FCRL1: variants seen among roughly 807,000 people sequenced by gnomAD.
The protein encoded by FCRL1 is Fc receptor like 1, also known as Fc receptor-like protein 1.
A neutral mutation model predicts 49.2 loss-of-function variants in FCRL1; 34 were observed. That is an observed-to-expected ratio of 0.69 (90% CI 0.53 to 0.92). FCRL1 has a LOEUF of 0.92. Among genes scored for constraint, FCRL1 ranks in the 40% least tolerant of loss-of-function variants. FCRL1 has a pLI of 0.00. For synonymous variants in FCRL1, 218 were observed against 201.6 expected, an observed-to-expected ratio of 1.08 and a Z score of -0.69; for missense variants, 524 against 524.1, an observed-to-expected ratio of 1.00 and a Z score of 0.00.
At chr1:157,806,230 A>G (rs892421005) in intron 2 of FCRL1, among the ~76,000 whole-genome samples, 1 of 152,226 alleles carries the variant, frequency 6.6e-6, no homozygotes, top group African/African-American at 2.4e-5. Flanking sequence ...ACATTAGATA[A>G]GGAACCTAGA....
At position 157,803,961 on chromosome 1, in the gene FCRL1, G is replaced by C; in HGVS notation, c.203C>G (p.Ser68Cys). The change falls in exon 3 of 11, where the codon TCC becomes TGC. Residue 68 changes from serine to cysteine, a missense_variant. By Grantham distance (112) the Ser-to-Cys change is moderately radical. Transcript: ENST00000368176. ...TRALGPGWSS[S>C]PKLQIAAMWK... Reference sequence around the variant, plus strand: ...CATGGCAGCGATCTGGAGCTTGGGGGAGCTGCTCCAGCCTGGGCCCAAGGC... The same window carrying C: ...CATGGCAGCGATCTGGAGCTTGGGGCAGCTGCTCCAGCCTGGGCCCAAGGC... The C allele has an allele frequency of 6.2e-7, 1 of 1,614,196 alleles. No individual in the cohort carries two copies. Among genetic ancestry groups the C allele is most frequent in the Non-Finnish European group, 8.5e-7 (1 of 1,180,048 alleles).
intron 10 of FCRL1, 29 bp downstream of exon 10, chr1:157,797,072 A>G (rs1460243589): frequency 6.2e-7 from 1 of 1,611,294 alleles, no homozygotes. Context: ...AAGAAAGAAC[A>G]TGGAAGAAAG....
At position 157,802,608 on chromosome 1, in the gene FCRL1, C is replaced by A. The variant is rs1652722422; in HGVS notation, c.376G>T (p.Glu126Ter). The part of the protein sequence containing the change: ...ETQPPGGQVM[E>*]GDRLVLICSV... ...CAGATGAGGACCAGCCTGTCTCCCTCCATCACCTGTCCTCCTGGGGGCTGA... is the reference window on the plus strand; with the variant it reads ...CAGATGAGGACCAGCCTGTCTCCCTACATCACCTGTCCTCCTGGGGGCTGA... The change falls in exon 4 of 11, where the codon GAG becomes TAG. Residue 126 changes from glutamate (E) to a stop codon, truncating the protein, a stop_gained. Coordinates refer to ENST00000368176, the MANE Select transcript of FCRL1 (RefSeq NM_052938.5). LOFTEE classifies it high-confidence loss of function. 7.4e-6 allele frequency: 12 copies of A among 1,614,178 alleles called. No individual in the cohort carries two copies. The highest frequency in any genetic ancestry group is 1.0e-5 in the Non-Finnish European group (12 of 1,180,024).
chr1:157,800,347 T>G (rs1008559087), intron 6 of FCRL1, among the ~76,000 whole-genome samples: 2 of 152,228 alleles, frequency 1.3e-5, no homozygotes, highest in Non-Finnish European at 2.9e-5. Flanking sequence ...GTCTCTAAAC[T>G]TGCACATTTA....
At chr1:157,811,226 A>T (rs1654277061) in intron 1 of FCRL1, among the ~76,000 whole-genome samples, 1 of 152,226 alleles carries the variant, frequency 6.6e-6, no homozygotes, top group Admixed American at 6.5e-5. Context: ...CCCCGCCTAA[A>T]AAAAGACTGA....
chr1:157,799,746 C>G (rs1023471124), intron 7 of FCRL1, among the ~76,000 whole-genome samples: 4 of 151,758 alleles, frequency 2.6e-5, no homozygotes, highest in African/African-American at 9.7e-5. Flanking sequence ...ACATATGTAA[C>G]AAACCTGCAC....
Position 157,795,911 on chromosome 1 carries a change from G to A in FCRL1, c.*188C>T. 1 of 543,458 alleles carries A rather than the reference G, an allele frequency of 1.8e-6. No individual in the cohort carries two copies. Among genetic ancestry groups the A allele is most frequent in the Non-Finnish European group, 3.3e-6 (1 of 303,350 alleles). The allele number at this position is 543,458 out of a possible 1,614,324, so 33.7% of individuals were successfully genotyped here. ...GTCCCTGTCACTCCTGTGTCTATTA[G>A]TTCTCCTAGGTAGTTTCTTCAGGGC... On this transcript the variant is annotated 3_prime_UTR_variant, in exon 11 of 11. Transcript: ENST00000368176.
rs565364747 is a variant in FCRL1 at position 157,807,569 on chromosome 1, C to T, written c.32-447G>A. On this transcript the variant is annotated intron_variant, in intron 1 of 10. Coordinates refer to ENST00000368176, the MANE Select transcript of FCRL1 (RefSeq NM_052938.5). The stretch of plus-strand genomic sequence containing the variant: ...GAGGATCCAGCTTTGGATTGACTCT[C>T]TCAAGGGAACAACAGAGTCAGGCAA... Among the ~76,000 whole-genome samples the T allele has an allele frequency of 5.3e-5, 8 of 152,324 alleles. No homozygotes were observed. The South Asian group carries it at 1.4e-3, about 28-fold the overall frequency.
At chr1:157,800,965 C>T (rs920006240) in intron 6 of FCRL1, among the ~76,000 whole-genome samples, 4 of 152,108 alleles carry the variant, frequency 2.6e-5, no homozygotes, top group Non-Finnish European at 5.9e-5. Flanking sequence ...GATCTCAGCT[C>T]ACTGCAACCT....
chr1:157,799,535 CTGTT>C (rs1438170194), intron 7 of FCRL1, among the ~76,000 whole-genome samples: 1 of 151,824 alleles, frequency 6.6e-6, no homozygotes, highest in Non-Finnish European at 1.5e-5. Flanking sequence ...ATTTGTCTCT[CTGTT>C]TGTCTGTTAT....
intron 10 of FCRL1, among the ~76,000 whole-genome samples, chr1:157,796,699 CA>C (rs1158696326): frequency 6.6e-6 from 1 of 152,180 alleles, no homozygotes; most frequent in Non-Finnish European, 1.5e-5. Flanking sequence ...TTTAGTGACA[CA>C]AATTACTATT....
At chr1:157,797,748 G>C (rs1651753727) in intron 9 of FCRL1, 120 bp downstream of exon 9, 1 of 1,580,908 alleles carries the variant, frequency 6.3e-7, no homozygotes, top group African/African-American at 1.3e-5. Flanking sequence ...AGTACACACA[G>C]TGATGCTCAC....
At chr1:157,818,983 A>G (rs1345516710) in intron 1 of FCRL1, among the ~76,000 whole-genome samples, 2 of 152,194 alleles carry the variant, frequency 1.3e-5, no homozygotes, top group African/African-American at 2.4e-5. Flanking sequence ...GTCATCAACA[A>G]GATGAGGGGC....
intron 10 of FCRL1, 112 bp downstream of exon 10, chr1:157,796,989 A>T (rs1651593598): frequency 2.1e-6 from 2 of 956,366 alleles, no homozygotes; most frequent in Non-Finnish European, 3.4e-6. Flanking sequence ...TGTAGGGAAG[A>T]GGTAGACCAT....
chr1:157,797,201 G>T, intron 9 of FCRL1, 69 bp from the exon 10 acceptor site: 1 of 1,425,836 alleles, frequency 7.0e-7, no homozygotes, highest in Non-Finnish European at 9.9e-7. Context: ...CTTGTGTTAA[G>T]AAAAGCTTCT....
In FCRL1 at chr1:157,802,622, C is replaced by T. The variant is rs1214381684; in HGVS notation, c.362G>A (p.Gly121Glu). ...ADVSLETQPPGGQVMEGDRLV... is the reference protein window; with the variant it reads ...ADVSLETQPPEGQVMEGDRLV... ...CCTGTCTCCCTCCATCACCTGTCCT[C>T]CTGGGGGCTGAGTCTCCAAGCTCAC... The change falls in exon 4 of 11, where the codon GGA (glycine) becomes GAA (glutamate). Residue 121 changes from glycine to glutamate, a missense_variant. By Grantham distance (98) the Gly-to-Glu change is moderately conservative. Coordinates refer to ENST00000368176, the MANE Select transcript of FCRL1 (RefSeq NM_052938.5). The T allele has an allele frequency of 1.9e-6, 3 of 1,613,950 alleles. No individual in the cohort carries two copies. Among genetic ancestry groups the T allele is most frequent in the Non-Finnish European group, 2.5e-6 (3 of 1,179,990 alleles).
chr1:157,800,127 C>T (rs199673318), intron 6 of FCRL1, 42 bp from the exon 7 acceptor site: 4 of 1,604,670 alleles, frequency 2.5e-6, no homozygotes, highest in African/African-American at 2.7e-5. Flanking sequence ...ATGGAAGAAC[C>T]CTCACTGTCA....
intron 1 of FCRL1, among the ~76,000 whole-genome samples, chr1:157,816,035 A>G (rs576086945): frequency 6.6e-6 from 1 of 151,994 alleles, no homozygotes; most frequent in African/African-American, 2.4e-5. Flanking sequence ...TAAAGAACTA[A>G]TACCAATTCC....
At position 157,804,057 on chromosome 1, in the gene FCRL1, A is replaced by T; in HGVS notation, c.107T>A (p.Leu36Gln). 1 of 1,614,216 alleles carries T rather than the reference A, an allele frequency of 6.2e-7. No individual in the cohort carries two copies. ...CTGTAGAAAGGGCATCTTACACGTC[A>T]GGGTCACTGGGCTCCCCTCTGTGGG... ...SHPTEGSPVTLTCKMPFLQSS... is the reference protein window; with the variant it reads ...SHPTEGSPVTQTCKMPFLQSS... The change falls in exon 3 of 11, where the codon CTG becomes CAG. Residue 36 changes from leucine (L) to glutamine (Q), a missense_variant. Transcript: ENST00000368176.
Sources: gnomAD v4.1 joint callset for allele counts (sites outside exome capture counted in the v4.1 genomes callset) on GRCh38, gnomAD v4.1.1 for gene constraint, MANE v1.5 for transcripts, NCBI Gene and HGNC (gene_info 2026-07-23, HGNC 2026-07-21) for gene names.